The following NR6A1 variants were observed in gnomAD, a reference collection of about 807,000 sequenced individuals.
NR6A1 encodes the protein retinoic acid receptor-related testis-associated receptor.
In NR6A1, 7 loss-of-function variants were observed where a neutral mutation model predicts 59.1. That is an observed-to-expected ratio of 0.12 (90% CI 0.07 to 0.22). The LOEUF (loss-of-function observed/expected upper bound fraction) is 0.22, where lower values mean the gene tolerates loss of function less well. NR6A1 is among the 10% of genes least tolerant of loss of function. The pLI is 1.00. For missense variants in NR6A1, 468 were observed against 611.6 expected, an observed-to-expected ratio of 0.77 and a Z score of 2.48; for synonymous variants, 243 against 236.1, an observed-to-expected ratio of 1.03 and a Z score of -0.27.
At chr9:124,697,858 G>A (rs572943457) in intron 2 of NR6A1, among the ~76,000 whole-genome samples, 5 of 152,288 alleles carry the variant, frequency 3.3e-5, no homozygotes, top group Non-Finnish European at 5.9e-5. Context: ...TTAAATCTGT[G>A]TCATCTGTAA....
chr9:124,612,336 G>A (rs1835772153), intron 2 of NR6A1, among the ~76,000 whole-genome samples: 1 of 152,070 alleles, frequency 6.6e-6, no homozygotes, highest in African/African-American at 2.4e-5. Flanking sequence ...AACTGACCCC[G>A]GGCTCAGATG....
At chr9:124,723,086 C>A (rs1409005529) in intron 2 of NR6A1, among the ~76,000 whole-genome samples, 3 of 151,852 alleles carry the variant, frequency 2.0e-5, no homozygotes, top group Non-Finnish European at 2.9e-5. Context: ...TTAATACATA[C>A]TATTTATTAT....
chr9:124,686,142 T>C (rs1469966291), intron 2 of NR6A1, among the ~76,000 whole-genome samples: 1 of 152,144 alleles, frequency 6.6e-6, no homozygotes, highest in East Asian at 1.9e-4. Flanking sequence ...TAATAAACTT[T>C]CTAAGAACAG....
At chr9:124,560,947 C>T (rs141784352) in intron 2 of NR6A1, among the ~76,000 whole-genome samples, 1 of 152,132 alleles carries the variant, frequency 6.6e-6, no homozygotes, top group Non-Finnish European at 1.5e-5. Context: ...AGGGGACAGG[C>T]TTGGGTGGCA....
intron 9 of NR6A1, 61 bp downstream of exon 9, chr9:124,524,660 A>C (rs918192638): frequency 1.3e-6 from 2 of 1,576,852 alleles, no homozygotes; most frequent in African/African-American, 1.4e-5. Context: ...TGCTTGCCTC[A>C]TTCCCTTCAC....
intron 2 of NR6A1, chr9:124,693,788 C>A (rs556435419): frequency 1.9e-6 from 1 of 534,058 alleles, no homozygotes; most frequent in Non-Finnish European, 3.8e-6. Context: ...ATGCAAACTG[C>A]GGACCAAACA....
chr9:124,641,419 G>A (rs1836764950), intron 2 of NR6A1, among the ~76,000 whole-genome samples: 1 of 151,602 alleles, frequency 6.6e-6, no homozygotes, highest in Non-Finnish European at 1.5e-5. Flanking sequence ...TTGAAAAGAA[G>A]AGGCCAGGAA....
chr9:124,590,651 C>T lies in NR6A1; in HGVS notation c.143-36081G>A, dbSNP rs1028756762. Among the ~76,000 whole-genome samples, 7 of 152,146 alleles carry T rather than the reference C, an allele frequency of 4.6e-5. No homozygotes were observed. In the East Asian group the frequency reaches 1.3e-3, roughly 29 times the overall value. ...TATATACAGAGATTAGAATAACAAG[C>T]CATTGATATAACCCCTGAACCCAGA... is the stretch of plus-strand genomic sequence containing the variant. On this transcript the variant is annotated intron_variant, in intron 2 of 9. Coordinates refer to ENST00000487099, the MANE Select transcript of NR6A1 (RefSeq NM_033334.4).
intron 2 of NR6A1, among the ~76,000 whole-genome samples, chr9:124,660,753 C>A (rs540126570): frequency 6.6e-6 from 1 of 150,722 alleles, no homozygotes; most frequent in African/African-American, 2.4e-5. Context: ...TGTTGGAGTA[C>A]ATAAAGTCAC....
chr9:124,599,314 G>C (rs955089954), intron 2 of NR6A1: 125 of 365,920 alleles, frequency 3.4e-4, no homozygotes, highest in African/African-American at 2.6e-3. Flanking sequence ...GTGGCGGCGG[G>C]CGCCCGAGGC....
chr9:124,694,950 T>G (rs776187553), intron 2 of NR6A1, among the ~76,000 whole-genome samples: 19 of 152,208 alleles, frequency 1.2e-4, no homozygotes, highest in Non-Finnish European at 2.1e-4. Flanking sequence ...CCAAACTTCT[T>G]GTACACCAGA....
intron 2 of NR6A1, among the ~76,000 whole-genome samples, chr9:124,719,939 C>A (rs1242328784): frequency 2.6e-5 from 4 of 152,014 alleles, no homozygotes; most frequent in African/African-American, 7.3e-5. Flanking sequence ...AAGAAGGCAG[C>A]CACTACTCTG....
chr9:124,530,208 C>G (rs7043618), intron 7 of NR6A1, among the ~76,000 whole-genome samples: 26,844 of 152,052 alleles, frequency 0.18, 7,499 homozygotes, highest in African/African-American at 0.6. Flanking sequence ...CTTTCTCTTG[C>G]GGACAGCACA....
chr9:124,663,233 T>A (rs143405422), intron 2 of NR6A1, among the ~76,000 whole-genome samples: 292 of 151,946 alleles, frequency 1.9e-3, no homozygotes, highest in Non-Finnish European at 3.3e-3. Context: ...TCTGTGGTTT[T>A]AAAAAAAAAT....
At chr9:124,673,267 A>C (rs1482606018) in intron 2 of NR6A1, among the ~76,000 whole-genome samples, 1 of 151,634 alleles carries the variant, frequency 6.6e-6, no homozygotes, top group African/African-American at 2.4e-5. Flanking sequence ...GGTTGTGGTT[A>C]CAGTGAGCTT....
At chr9:124,593,067 A>G (rs1055103301) in intron 2 of NR6A1, among the ~76,000 whole-genome samples, 1 of 152,224 alleles carries the variant, frequency 6.6e-6, no homozygotes, top group African/African-American at 2.4e-5. Flanking sequence ...TCACAATTTC[A>G]TTGGCGGAAC....
chr9:124,538,464 T>G (rs922646290), intron 5 of NR6A1, 145 bp from the exon 6 acceptor site: 6 of 623,810 alleles, frequency 9.6e-6, no homozygotes, highest in Middle Eastern at 2.6e-4. Flanking sequence ...AATAGTTAAA[T>G]TCATGTCTCT....
intron 3 of NR6A1, among the ~76,000 whole-genome samples, chr9:124,545,684 C>G (rs541503334): frequency 6.6e-6 from 1 of 152,174 alleles, no homozygotes; most frequent in African/African-American, 2.4e-5. Flanking sequence ...AATACAACAC[C>G]AAATGTATTA....
chr9:124,603,674 T>C (rs2130827210), intron 2 of NR6A1, among the ~76,000 whole-genome samples: 1 of 152,270 alleles, frequency 6.6e-6, no homozygotes, highest in African/African-American at 2.4e-5. Flanking sequence ...CTGTGCCCCA[T>C]ATTTTTGCCA....
Sources: gnomAD v4.1 joint callset for allele counts (sites outside exome capture counted in the v4.1 genomes callset) on GRCh38, gnomAD v4.1.1 for gene constraint, MANE v1.5 for transcripts, NCBI Gene and HGNC (gene_info 2026-07-23, HGNC 2026-07-21) for gene names.